The following MAGI2 variants were observed in gnomAD, a reference collection of about 807,000 sequenced individuals.
MAGI2 encodes membrane-associated guanylate kinase, WW and PDZ domain-containing protein 2.
A neutral mutation model predicts 133.3 loss-of-function variants in MAGI2; 35 were observed. The observed-to-expected ratio is 0.26, with a 90% CI of 0.20 to 0.35. The LOEUF (loss-of-function observed/expected upper bound fraction) is 0.35. Ranked by LOEUF, MAGI2 falls within the 10% of genes least tolerant of loss-of-function variation. MAGI2 has a pLI of 1.00. For synonymous variants in MAGI2, 729 were observed against 710.6 expected (o/e 1.03, Z -0.41); for missense variants, 1,636 against 1,863.4 (o/e 0.88, Z 2.25).
rs1323303282 is a variant in MAGI2, at chr7:78,946,592, C to T, written c.418+60498G>A. On this transcript the variant is annotated intron_variant, in intron 2 of 21. Transcript: ENST00000354212. ...TGTAGTCATTGCAGCCTAAACTTGT[C>T]TTTCTGGCAGATAATTGCTTTTCAT... 3 of 152,150 alleles carry T rather than the reference C, an allele frequency of 2.0e-5. No homozygotes were observed. In the East Asian group the frequency reaches 5.8e-4, roughly 29 times the overall value. 9.4% of individuals were successfully genotyped at this position (152,150 alleles called of 1,614,324 possible).
At chr7:78,433,125 C>T (rs1233140110) in intron 6 of MAGI2, among the ~76,000 whole-genome samples, 2 of 152,078 alleles carry the variant, frequency 1.3e-5, no homozygotes, top group Non-Finnish European at 2.9e-5. Flanking sequence ...CAAAGTTTTT[C>T]TCTCTCACAA....
chr7:79,208,979 C>T (rs764044123), intron 1 of MAGI2, among the ~76,000 whole-genome samples: 6 of 151,838 alleles, frequency 4.0e-5, no homozygotes, highest in African/African-American at 1.5e-4. Context: ...AGTTAATCTC[C>T]TAGAAGTAGA....
chr7:79,033,996 T>C (rs1020098588), intron 1 of MAGI2, among the ~76,000 whole-genome samples: 1 of 152,208 alleles, frequency 6.6e-6, no homozygotes, highest in African/African-American at 2.4e-5. Context: ...TAATTTTTAG[T>C]ATATTTTTTA....
At chr7:78,679,632 G>A (rs1232855619) in intron 2 of MAGI2, among the ~76,000 whole-genome samples, 4 of 152,144 alleles carry the variant, frequency 2.6e-5, no homozygotes, top group Admixed American at 2.0e-4. Context: ...TCATTCTGAC[G>A]AAGTGACAGG....
intron 1 of MAGI2, among the ~76,000 whole-genome samples, chr7:79,265,117 C>T (rs1834351795): frequency 6.6e-6 from 1 of 152,118 alleles, no homozygotes; most frequent in Non-Finnish European, 1.5e-5. Flanking sequence ...ATTTCCACAA[C>T]TAAACATAAA....
intron 3 of MAGI2, among the ~76,000 whole-genome samples, chr7:78,536,707 T>C (rs965601518): frequency 1.3e-5 from 2 of 151,884 alleles, no homozygotes; most frequent in African/African-American, 4.8e-5. Context: ...CTCCTAATAC[T>C]CAGGATTTCT....
At chr7:79,142,261 G>A (rs1016922139) in intron 1 of MAGI2, among the ~76,000 whole-genome samples, 11 of 152,060 alleles carry the variant, frequency 7.2e-5, no homozygotes, top group Admixed American at 3.9e-4. Flanking sequence ...ATCTTGATTG[G>A]TTCATGTTTT....
intron 2 of MAGI2, among the ~76,000 whole-genome samples, chr7:78,942,233 T>C (rs1801044018): frequency 1.3e-5 from 2 of 152,240 alleles, no homozygotes; most frequent in Non-Finnish European, 1.5e-5. Context: ...TTTGATATTA[T>C]TCTTTTTATT....
chr7:78,249,756 T>C (rs1358898163), intron 10 of MAGI2, among the ~76,000 whole-genome samples: 2 of 152,098 alleles, frequency 1.3e-5, no homozygotes. Context: ...ACGAAGTTAC[T>C]GTTAGGAGAA....
chr7:79,309,938 C>A (rs1369458481), intron 1 of MAGI2, among the ~76,000 whole-genome samples: 2 of 141,110 alleles, frequency 1.4e-5, no homozygotes, highest in East Asian at 4.1e-4. Flanking sequence ...CAAGACCAGC[C>A]TGGACAACAT....
chr7:78,745,981 CTCAT>C (rs775663808), intron 2 of MAGI2, among the ~76,000 whole-genome samples: 2 of 152,126 alleles, frequency 1.3e-5, no homozygotes, highest in Non-Finnish European at 2.9e-5. Flanking sequence ...CTCCTAAGTT[CTCAT>C]TCATTATCTT....
In MAGI2 at chr7:78,685,526, C is replaced by G. The variant is rs1816191277; in HGVS notation, c.419-58287G>C. Among the ~76,000 whole-genome samples the G allele has an allele frequency of 2.0e-5, 3 of 149,324 alleles. No homozygotes were observed. The South Asian group carries it at 6.8e-4, about 34-fold the overall frequency. Reference sequence around the variant, plus strand: ...CCTCTAGAGATCATTTTAGCAGCAGCTAGAGAACTACAAGAACATAACTTT... The same window carrying G: ...CCTCTAGAGATCATTTTAGCAGCAGGTAGAGAACTACAAGAACATAACTTT... On this transcript the variant is annotated intron_variant, in intron 2 of 21. Coordinates refer to ENST00000354212, the MANE Select transcript of MAGI2 (RefSeq NM_012301.4).
chr7:79,334,178 G>A (rs1301621253), intron 1 of MAGI2, among the ~76,000 whole-genome samples: 3 of 152,104 alleles, frequency 2.0e-5, no homozygotes, highest in Non-Finnish European at 4.4e-5. Context: ...CAGTTCTTAT[G>A]TAACGTTAGT....
At chr7:78,748,913 A>G (rs1823191933) in intron 2 of MAGI2, among the ~76,000 whole-genome samples, 1 of 152,186 alleles carries the variant, frequency 6.6e-6, no homozygotes, top group African/African-American at 2.4e-5. Flanking sequence ...AGTTCTGTGT[A>G]AGCATATTCA....
chr7:79,443,610 A>G (rs1848643670), intron 1 of MAGI2, among the ~76,000 whole-genome samples: 1 of 152,000 alleles, frequency 6.6e-6, no homozygotes, highest in African/African-American at 2.4e-5. Flanking sequence ...AAGCAAAAAT[A>G]CTCACTTGTA....
intron 2 of MAGI2, among the ~76,000 whole-genome samples, chr7:78,698,406 GA>G (rs913630549): frequency 4.1e-4 from 63 of 151,974 alleles, no homozygotes; most frequent in African/African-American, 1.4e-3. Flanking sequence ...ATCCCCTAAG[GA>G]AAAAAAGATC....
chr7:78,433,779 A>AT (rs1800017071), intron 6 of MAGI2, among the ~76,000 whole-genome samples: 1 of 152,090 alleles, frequency 6.6e-6, no homozygotes, highest in Non-Finnish European at 1.5e-5. Flanking sequence ...TTTTATTCTG[A>AT]TTCTCTTTTC....
At position 78,160,286 on chromosome 7, in the gene MAGI2, C is replaced by A; in HGVS notation, c.2597-13G>T. On this transcript the variant is annotated splice_polypyrimidine_tract_variant and intron_variant, in intron 15 of 21. Transcript: ENST00000354212. The stretch of plus-strand genomic sequence containing the variant: ...GGGCAGGGCTCCCCTGCAAAATATA[C>A]CACACACAGGTAATCAATTACCTTA... 6.4e-7 allele frequency: 1 copy of A among 1,567,362 alleles called. No individual in the cohort carries two copies. The highest frequency in any genetic ancestry group is 8.7e-7 in the Non-Finnish European group (1 of 1,155,010).
At chr7:79,397,249 A>G (rs909952212) in intron 1 of MAGI2, among the ~76,000 whole-genome samples, 1 of 150,688 alleles carries the variant, frequency 6.6e-6, no homozygotes, top group Non-Finnish European at 1.5e-5. Flanking sequence ...TGTTAAAAAT[A>G]AAATTGGCAT....
Sources: gnomAD v4.1 joint callset for allele counts (sites outside exome capture counted in the v4.1 genomes callset) on GRCh38, gnomAD v4.1.1 for gene constraint, MANE v1.5 for transcripts, NCBI Gene and HGNC (gene_info 2026-07-23, HGNC 2026-07-21) for gene names.